The following RBFOX1 variants were observed in gnomAD, a reference collection of about 807,000 sequenced individuals.
The protein encoded by RBFOX1 is RNA binding fox-1 homolog 1.
In RBFOX1, 8 loss-of-function variants were observed where a neutral mutation model predicts 57.7. The observed-to-expected ratio is 0.14, with a 90% CI of 0.08 to 0.25. RBFOX1 has a LOEUF of 0.25. RBFOX1 is among the 10% of genes least tolerant of loss of function. The pLI, the probability that RBFOX1 is intolerant of heterozygous loss-of-function variation, is 1.00. For synonymous variants in RBFOX1, 326 were observed against 222.4 expected, an observed-to-expected ratio of 1.47 and a Z score of -4.15; for missense variants, 611 against 548.5, an observed-to-expected ratio of 1.11 and a Z score of -1.14.
chr16:7,114,189 C>A (rs1419512306), intron 4 of RBFOX1, among the ~76,000 whole-genome samples: 1 of 152,104 alleles, frequency 6.6e-6, no homozygotes. Context: ...GCAGATCAGT[C>A]TTTACGTGGA....
intron 4 of RBFOX1, 104 bp downstream of exon 4, chr16:7,052,202 A>T (rs767198443): frequency 2.0e-6 from 3 of 1,468,366 alleles, no homozygotes; most frequent in African/African-American, 2.8e-5. Context: ...AACAGGCTTC[A>T]TCTTAAGACT....
At chr16:6,932,218 C>G (rs907876289) in intron 3 of RBFOX1, among the ~76,000 whole-genome samples, 2 of 152,166 alleles carry the variant, frequency 1.3e-5, no homozygotes, top group Non-Finnish European at 2.9e-5. Flanking sequence ...ATTTCCCTGC[C>G]TCGGCCTCCC....
At chr16:5,315,419 A>T (rs4786668) in intron 1 of RBFOX1, among the ~76,000 whole-genome samples, 86,679 of 152,034 alleles carry the variant, frequency 0.57, 27,202 homozygotes, top group South Asian at 0.74. Flanking sequence ...AACAGTGAAA[A>T]AGGGTACTGC....
At chr16:7,197,000 A>G (rs572815344) in intron 4 of RBFOX1, among the ~76,000 whole-genome samples, 1 of 152,266 alleles carries the variant, frequency 6.6e-6, no homozygotes, top group African/African-American at 2.4e-5. Flanking sequence ...TTTTAAGGAG[A>G]GTTTAAAAGA....
intron 4 of RBFOX1, among the ~76,000 whole-genome samples, chr16:6,005,216 G>C (rs1484406996): frequency 6.6e-6 from 1 of 152,188 alleles, no homozygotes; most frequent in South Asian, 2.1e-4. Flanking sequence ...TTCGTGGAAA[G>C]AGGGGAAAAA....
At chr16:7,591,218 C>T (rs1461516486) in intron 7 of RBFOX1, among the ~76,000 whole-genome samples, 1 of 152,080 alleles carries the variant, frequency 6.6e-6, no homozygotes, top group Non-Finnish European at 1.5e-5. Flanking sequence ...GCAAAGATCA[C>T]TGGAGTAAAA....
intron 3 of RBFOX1, among the ~76,000 whole-genome samples, chr16:6,998,409 T>C (rs1030605596): frequency 1.2e-4 from 18 of 151,962 alleles, no homozygotes; most frequent in African/African-American, 4.4e-4. Flanking sequence ...GGGGGCAAAA[T>C]GAAGCCAGTG....
At chr16:6,216,251 C>G (rs987848949) in intron 1 of RBFOX1, among the ~76,000 whole-genome samples, 3 of 152,012 alleles carry the variant, frequency 2.0e-5, no homozygotes, top group African/African-American at 7.3e-5. Flanking sequence ...ACCTATGGAA[C>G]AAACCTGCAC....
At chr16:7,033,290 C>T (rs866363617) in intron 3 of RBFOX1, among the ~76,000 whole-genome samples, 1 of 152,144 alleles carries the variant, frequency 6.6e-6, no homozygotes, top group African/African-American at 2.4e-5. Flanking sequence ...GAGGCCGAGG[C>T]GGGCAGATCA....
rs1038015649 is a variant in RBFOX1, at chr16:5,399,535, T to C, written c.220-67681T>C. ...TATTTTTTCTCTTTTAAAAATTGGA[T>C]CAATGCCATCCTGGGAAACATGGCA... On this transcript the variant is annotated intron_variant, in intron 1 of 2. Transcript: ENST00000585867. Among the ~76,000 whole-genome samples, 3 of 152,130 alleles carry C rather than the reference T, an allele frequency of 2.0e-5. No homozygotes were observed. The South Asian group carries it at 6.2e-4, about 32-fold the overall frequency.
chr16:6,415,632 T>C (rs868833665), intron 2 of RBFOX1, among the ~76,000 whole-genome samples: 23 of 152,074 alleles, frequency 1.5e-4, no homozygotes, highest in Non-Finnish European at 2.8e-4. Context: ...ATCCGGGAGA[T>C]GGAGGTTGCA....
chr16:7,639,706 G>A (rs2062436785), intron 11 of RBFOX1, among the ~76,000 whole-genome samples: 1 of 152,022 alleles, frequency 6.6e-6, no homozygotes, highest in Admixed American at 6.6e-5. Context: ...CTGCCATTGG[G>A]GTGCCTCTCA....
intron 2 of RBFOX1, among the ~76,000 whole-genome samples, chr16:6,356,424 C>T (rs1807652934): frequency 1.3e-5 from 2 of 152,100 alleles, no homozygotes; most frequent in African/African-American, 4.8e-5. Flanking sequence ...GGCAACAGAG[C>T]GAGAACTTGT....
In RBFOX1 at chr16:5,454,744, T is replaced by TTTTTCTGTTCTTTCTTTCC. The variant is rs1555523977; in HGVS notation, c.220-12466_220-12465insGTTCTTTCTTTCCTTTTCT. 2.4e-4 allele frequency among the ~76,000 whole-genome samples: 28 copies of TTTTTCTGTTCTTTCTTTCC among 118,774 alleles called. No homozygotes were observed. The East Asian group carries it at 5.7e-3, about 24-fold the overall frequency. 77.9% of individuals were successfully genotyped at this position (118,774 alleles called of 152,430 possible). A position where few individuals can be genotyped will look rare whatever the true frequency, so the allele number is the denominator to read the frequency against. On this transcript the variant is annotated intron_variant, in intron 1 of 2. Coordinates refer to the RBFOX1 transcript ENST00000585867. ...TAAAATCTCTCTCTTTCTTTCTTTC[T>TTTTTCTGTTCTTTCTTTCC]TTTTCTTTTCTTTTCTTTCTTTCTC...
At chr16:7,026,903 C>A (rs546955382) in intron 3 of RBFOX1, among the ~76,000 whole-genome samples, 2 of 152,166 alleles carry the variant, frequency 1.3e-5, no homozygotes, top group Non-Finnish European at 2.9e-5. Flanking sequence ...GCCTGTGCCC[C>A]GTAGGGTAAT....
At chr16:6,489,242 T>G (rs1418206083) in intron 2 of RBFOX1, among the ~76,000 whole-genome samples, 1 of 152,178 alleles carries the variant, frequency 6.6e-6, no homozygotes, top group African/African-American at 2.4e-5. Flanking sequence ...CTAACAACCT[T>G]CCCATATGGT....
chr16:7,690,739 C>T (rs2077135579), intron 14 of RBFOX1, among the ~76,000 whole-genome samples: 1 of 152,056 alleles, frequency 6.6e-6, no homozygotes, highest in East Asian at 1.9e-4. Flanking sequence ...TGTCTCTGGT[C>T]ATCTGGGGCA....
chr16:6,340,661 C>CTTGG (rs1417201793), intron 2 of RBFOX1, among the ~76,000 whole-genome samples: 1 of 152,160 alleles, frequency 6.6e-6, no homozygotes, highest in Non-Finnish European at 1.5e-5. Context: ...CCATTGCCAT[C>CTTGG]TTGGTATTGG....
chr16:6,517,556 T>G (rs1047674512), intron 2 of RBFOX1, among the ~76,000 whole-genome samples: 1 of 152,122 alleles, frequency 6.6e-6, no homozygotes, highest in African/African-American at 2.4e-5. Flanking sequence ...ATGTGAGGAT[T>G]TATATTCAAG....
Sources: allele counts gnomAD v4.1 joint callset (sites outside exome capture counted in the v4.1 genomes callset), GRCh38; gene constraint gnomAD v4.1.1; transcripts MANE v1.5; gene names NCBI Gene and HGNC (gene_info 2026-07-23, HGNC 2026-07-21).